Variants in HCN4 observed in about 807,000 individuals in gnomAD.
The protein encoded by HCN4 is potassium/sodium hyperpolarization-activated cyclic nucleotide-gated channel 4.
Under a neutral mutation model 76.9 loss-of-function variants are expected in HCN4, and 29 were observed. That is an observed-to-expected ratio of 0.38 (90% CI 0.28 to 0.51). The LOEUF (loss-of-function observed/expected upper bound fraction) is 0.51, where lower values mean the gene tolerates loss of function less well. HCN4 is among the 20% of genes least tolerant of loss of function. The probability of loss-of-function intolerance (pLI) is 0.90; values close to 1 mark genes in which losing one functional copy is unlikely to be tolerated. For synonymous variants in HCN4, 772 were observed against 762.5 expected (o/e 1.01, Z -0.21); for missense variants, 1,416 against 1,715.2 (o/e 0.83, Z 3.08).
chr15:73,323,626 G>A lies in HCN4; in HGVS notation c.2467C>T (p.Pro823Ser), dbSNP rs781612647. The change falls in exon 8 of 8, where the codon CCA becomes TCA. Residue 823 changes from proline to serine, a missense_variant. Physicochemically the swap from Pro to Ser is moderately conservative, Grantham distance 74. This residue lies in a region of HCN4 where 633 missense variants were observed against 579.8 expected (regional missense o/e 1.09). Transcript: ENST00000261917. The stretch of plus-strand genomic sequence containing the variant: ...GACTGCAGCCGTTTCAGGTGCCTTG[G>A]CGTCTGCCCGGCACCGAGGTTGCCC... ...GLGNLGAGQTPRHLKRLQSLI... is the reference protein window; with the variant it reads ...GLGNLGAGQTSRHLKRLQSLI... The A allele has an allele frequency of 5.6e-6, 9 of 1,600,022 alleles. No individual in the cohort carries two copies. In the East Asian group the frequency reaches 2.0e-4, roughly 36 times the overall value.
chr15:73,361,203 C>T (rs1037014672), intron 1 of HCN4, among the ~76,000 whole-genome samples: 31 of 152,216 alleles, frequency 2.0e-4, no homozygotes, highest in African/African-American at 7.5e-4. Flanking sequence ...ACTGCCCAGT[C>T]TTATCTTGAG....
At position 73,354,781 on chromosome 15, in the gene HCN4, T is replaced by TCAC. The variant is rs146021866; in HGVS notation, c.786-10974_786-10973insGTG. On this transcript the variant is annotated intron_variant, in intron 1 of 7. Coordinates refer to ENST00000261917, the MANE Select transcript of HCN4 (RefSeq NM_005477.3). ...ATTATCCCCATCATCATCATCCCCA[T>TCAC]CATCATCATCATCATCATCATTCTA... Among the ~76,000 whole-genome samples, 371 of 151,834 alleles carry TCAC rather than the reference T, an allele frequency of 2.4e-3. 2 individuals carry two copies. Among genetic ancestry groups the TCAC allele is most frequent in the African/African-American group, 8.2e-3 (342 of 41,468 alleles).
At chr15:73,364,254 C>T (rs2043118830) in intron 1 of HCN4, among the ~76,000 whole-genome samples, 1 of 152,026 alleles carries the variant, frequency 6.6e-6, no homozygotes, top group African/African-American at 2.4e-5. Context: ...ACAGGGACTT[C>T]CCCACCAGCT....
At position 73,367,631 on chromosome 15, in the gene HCN4, T is replaced by C. The variant is rs762586116; in HGVS notation, c.640A>G (p.Met214Val). Residue 214 changes from methionine (M) to valine (V), a missense_variant, in exon 1 of 8, where the codon ATG becomes GTG. Physicochemically the swap from Met to Val is conservative, Grantham distance 21. This residue lies in a region of HCN4 where 355 missense variants were observed against 347.8 expected (regional missense o/e 1.02). Transcript: ENST00000261917. The surrounding 1 kb of genome is among the most constrained non-coding windows in gnomAD (Gnocchi z 7.5). Reference protein sequence around the residue: ...AEVRLGQAGFMQRQFGAMLQP... With the variant: ...AEVRLGQAGFVQRQFGAMLQP... ...AGCATGGCCCCGAACTGGCGCTGCA[T>C]GAAGCCGGCCTGGCCCAGGCGCACC... is the stretch of plus-strand genomic sequence containing the variant. 6.2e-7 allele frequency: 1 copy of C among 1,612,492 alleles called. No homozygotes were observed. Among genetic ancestry groups the C allele is most frequent in the South Asian group, 1.1e-5 (1 of 91,084 alleles).
intron 1 of HCN4, among the ~76,000 whole-genome samples, chr15:73,363,969 G>A (rs574824254): frequency 5.8e-4 from 89 of 152,230 alleles, no homozygotes; most frequent in African/African-American, 2.1e-3. Context: ...CAGTGACGGG[G>A]TGCCAGTGAC....
chr15:73,325,328 G>A lies in HCN4; in HGVS notation c.1707C>T (p.Ile569=). 6.2e-7 allele frequency: 1 copy of A among 1,613,948 alleles called. No homozygotes were observed. Among genetic ancestry groups the A allele is most frequent in the Non-Finnish European group, 8.5e-7 (1 of 1,179,960 alleles). Residue 569 remains isoleucine, a synonymous_variant, in exon 5 of 8, where the codon ATC becomes ATT. Coordinates refer to ENST00000261917, the MANE Select transcript of HCN4 (RefSeq NM_005477.3). The surrounding 1 kb of genome is among the most constrained non-coding windows in gnomAD (Gnocchi z 7.4). The part of the protein sequence containing the change: ...YQGKMFDEES[I]LGELSEPLRE... ...GCAGGGGCTCGCTTAGCTCGCCCAG[G>A]ATGCTCTCCTCGTCGAACATCTTGC...
At chr15:73,366,833 C>T (rs757011132) in intron 1 of HCN4, among the ~76,000 whole-genome samples, 2 of 152,246 alleles carry the variant, frequency 1.3e-5, no homozygotes, top group African/African-American at 2.4e-5. Flanking sequence ...CTTCACCCAT[C>T]ACTATGAGCA....
chr15:73,350,520 T>C (rs1479878627), intron 1 of HCN4, among the ~76,000 whole-genome samples: 2 of 152,190 alleles, frequency 1.3e-5, no homozygotes, highest in South Asian at 2.1e-4. Context: ...ATAGCTGCTA[T>C]TTCAAATTAA....
rs2042879324 is a variant in HCN4, at chr15:73,323,650, C to T, written c.2443G>A (p.Gly815Ser). The change falls in exon 8 of 8, where the codon GGC becomes AGC. Residue 815 changes from glycine to serine, a missense_variant. Transcript: ENST00000261917. ...GGCGTCTGCCCGGCACCGAGGTTGC[C>T]CAGCCCAGATCCTGGGGGAGGGCGG... ...IFRPPPGSGLGNLGAGQTPRH... is the reference protein window; with the variant it reads ...IFRPPPGSGLSNLGAGQTPRH... The T allele has an allele frequency of 1.9e-6, 3 of 1,595,936 alleles. No individual in the cohort carries two copies. The highest frequency in any genetic ancestry group is 2.6e-6 in the Non-Finnish European group (3 of 1,173,354).
chr15:73,322,174 A>AC lies in HCN4; in HGVS notation c.*306dup. 2.8e-6 allele frequency: 1 copy of AC among 351,532 alleles called. No homozygotes were observed. The highest frequency in any genetic ancestry group is 9.7e-4 in the Middle Eastern group (1 of 1,030). The allele number at this position is 351,532 out of a possible 1,614,324, so 21.8% of individuals were successfully genotyped here. A position where few individuals can be genotyped will look rare whatever the true frequency, so the allele number is the denominator to read the frequency against. On this transcript the variant is annotated 3_prime_UTR_variant, in exon 8 of 8. Transcript: ENST00000261917. ...AGAACCGCCAACACTGGCCACTCCC[A>AC]CCCCTGCCCAGCCCCGGAGACCCCA...
At chr15:73,334,699 C>T (rs548842471) in intron 2 of HCN4, among the ~76,000 whole-genome samples, 3 of 151,870 alleles carry the variant, frequency 2.0e-5, no homozygotes, top group Non-Finnish European at 2.9e-5. Context: ...CAGCCTCCCC[C>T]TCAAACAAGC....
Position 73,325,238 on chromosome 15 carries a change from GGGGA to G in HCN4, c.1738-47_1738-44del. 2 of 1,614,084 alleles carry G rather than the reference GGGGA, an allele frequency of 1.2e-6. No homozygotes were observed. The highest frequency in any genetic ancestry group is 1.7e-6 in the Non-Finnish European group (2 of 1,179,976). On this transcript the variant is annotated intron_variant, in intron 5 of 7. Transcript: ENST00000261917. The surrounding 1 kb of genome is among the most constrained non-coding windows in gnomAD (Gnocchi z 7.4). ...TTGGGACACGGGAAGGAGGTGGTGAGGGGAGCTGGCTGCCAGGAAGGCCTGGCTC... is the reference window on the plus strand; with the variant it reads ...TTGGGACACGGGAAGGAGGTGGTGAGGCTGGCTGCCAGGAAGGCCTGGCTC...
chr15:73,337,911 C>T lies in HCN4; in HGVS notation c.1209+5474G>A, dbSNP rs1019164423. Among the ~76,000 whole-genome samples, 5 of 152,106 alleles carry T rather than the reference C, an allele frequency of 3.3e-5. No individual in the cohort carries two copies. In the South Asian group the frequency reaches 6.2e-4, roughly 19 times the overall value. ...ATGGTGGTGGTGAAGCCTGGAACTG[C>T]GGTGAGGAGGACTGTGGGCACTGGG... On this transcript the variant is annotated intron_variant, in intron 2 of 7. Transcript: ENST00000261917.
In HCN4 at chr15:73,324,951, T is replaced by C. The variant is rs926175765; in HGVS notation, c.1978+4A>G. ...CTGTCCCCCAGGGCCCAGGGCTGCC[T>C]CACCTCCAAAGTAGGAGCCGTCGGC... On this transcript the variant is annotated splice_donor_region_variant and intron_variant, in intron 6 of 7. Transcript: ENST00000261917. 6.2e-7 allele frequency: 1 copy of C among 1,613,822 alleles called. No homozygotes were observed. The highest frequency in any genetic ancestry group is 8.5e-7 in the Non-Finnish European group (1 of 1,180,014).
intron 3 of HCN4, 75 bp downstream of exon 3, chr15:73,332,056 A>C: frequency 6.8e-7 from 1 of 1,461,974 alleles, no homozygotes; most frequent in Non-Finnish European, 9.6e-7. Context: ...AGAAGTTCCA[A>C]GTCCACATCT....
In HCN4 at chr15:73,341,913, G is replaced by A. The variant is rs553436671; in HGVS notation, c.1209+1472C>T. ...CGAGGCCCAGGCTGCTGCTGGGGGTGAGCATGGGGGGCTTCATGTCCTGAA... is the reference window on the plus strand; with the variant it reads ...CGAGGCCCAGGCTGCTGCTGGGGGTAAGCATGGGGGGCTTCATGTCCTGAA... On this transcript the variant is annotated intron_variant, in intron 2 of 7. Coordinates refer to ENST00000261917, the MANE Select transcript of HCN4 (RefSeq NM_005477.3). Among the ~76,000 whole-genome samples the A allele has an allele frequency of 2.6e-5, 4 of 152,354 alleles. No individual in the cohort carries two copies. The South Asian group carries it at 6.2e-4, about 24-fold the overall frequency.
intron 4 of HCN4, among the ~76,000 whole-genome samples, chr15:73,327,474 A>G (rs187316309): frequency 5.3e-5 from 8 of 151,930 alleles, no homozygotes; most frequent in Non-Finnish European, 1.2e-4. Context: ...CCTTGATCAC[A>G]CACTGAGCCC....
intron 1 of HCN4, among the ~76,000 whole-genome samples, chr15:73,352,164 A>C (rs2043057708): frequency 1.3e-5 from 2 of 152,254 alleles, no homozygotes; most frequent in African/African-American, 4.8e-5. Flanking sequence ...TTTATACGGT[A>C]GGTCCTCATA....
At chr15:73,354,915 C>T (rs890520657) in intron 1 of HCN4, among the ~76,000 whole-genome samples, 6 of 152,198 alleles carry the variant, frequency 3.9e-5, no homozygotes, top group African/African-American at 1.4e-4. Context: ...ACCCACCCCA[C>T]AGCGGAGCTG....
Sources: allele counts gnomAD v4.1 joint callset (sites outside exome capture counted in the v4.1 genomes callset), GRCh38; gene constraint gnomAD v4.1.1; regional missense constraint gnomAD v4.1.1; non-coding constraint Gnocchi (gnomAD v3.1); transcripts MANE v1.5; gene names NCBI Gene and HGNC (gene_info 2026-07-23, HGNC 2026-07-21).